DOP1B: variants seen among roughly 807,000 people sequenced by gnomAD.
DOP1B encodes the protein DOP1 leucine zipper like protein B.
A neutral mutation model predicts 233.5 loss-of-function variants in DOP1B; 174 were observed. That is an observed-to-expected ratio of 0.75 (90% confidence interval 0.66 to 0.85). DOP1B has a LOEUF of 0.85. Ranked by LOEUF, DOP1B falls within the 40% of genes least tolerant of loss-of-function variation. DOP1B has a pLI of 0.00. For missense variants in DOP1B, 2,652 were observed against 2,846.6 expected, an observed-to-expected ratio of 0.93 and a Z score of 1.56; for synonymous variants, 1,190 against 1,185.6, an observed-to-expected ratio of 1.00 and a Z score of -0.08.
intron 2 of DOP1B, among the ~76,000 whole-genome samples, chr21:36,180,634 A>G (rs2066087003): frequency 6.6e-6 from 1 of 150,844 alleles, no homozygotes; most frequent in South Asian, 2.1e-4. Context: ...TAATCCCAGC[A>G]TACTGGGAGG....
intron 26 of DOP1B, among the ~76,000 whole-genome samples, chr21:36,266,364 T>TG (rs1181054306): frequency 2.0e-5 from 3 of 151,964 alleles, no homozygotes; most frequent in Non-Finnish European, 4.4e-5. Context: ...TTAGTAGAGG[T>TG]GGGGTTTCAC....
chr21:36,207,571 TC>T (rs1371970173), intron 4 of DOP1B, among the ~76,000 whole-genome samples: 1 of 150,262 alleles, frequency 6.7e-6, no homozygotes, highest in Non-Finnish European at 1.5e-5. Context: ...CGAGGCTCCT[TC>T]CCCTGTCTTT....
At position 36,193,676 on chromosome 21, in the gene DOP1B, G is replaced by A. The variant is rs2066258329; in HGVS notation, c.139-5394G>A. Among the ~76,000 whole-genome samples the A allele has an allele frequency of 2.0e-5, 3 of 152,118 alleles. No individual in the cohort carries two copies. The South Asian group carries it at 6.2e-4, about 32-fold the overall frequency. On this transcript the variant is annotated intron_variant, in intron 2 of 36. Transcript: ENST00000691173. The stretch of plus-strand genomic sequence containing the variant: ...GCCCTAAAAATGTGCTGTCCCTCTT[G>A]TGTCTGGTGCTGGCCTTCAGTGAGA...
rs2066024651 is a variant in DOP1B, at chr21:36,176,102, G to A, written c.138+11231G>A. Reference sequence around the variant, plus strand: ...TCGACTTTGGGGTGTGTGTGCGTGTGTGTGTGTGTGTGTGTGTGTGGTGAT... The same window carrying A: ...TCGACTTTGGGGTGTGTGTGCGTGTATGTGTGTGTGTGTGTGTGTGGTGAT... On this transcript the variant is annotated intron_variant, in intron 2 of 36. Coordinates refer to ENST00000691173, the MANE Select transcript of DOP1B (RefSeq NM_001320714.2). Among the ~76,000 whole-genome samples, 3 of 148,958 alleles carry A rather than the reference G, an allele frequency of 2.0e-5. No individual in the cohort carries two copies. The South Asian group carries it at 6.3e-4, about 31-fold the overall frequency.
intron 2 of DOP1B, among the ~76,000 whole-genome samples, chr21:36,190,325 C>CTAAA (rs2066217452): frequency 6.6e-6 from 1 of 151,642 alleles, no homozygotes; most frequent in African/African-American, 2.4e-5. Flanking sequence ...GACTCTGTCT[C>CTAAA]TAAATAAATA....
chr21:36,241,069 C>G (rs2066886788), intron 18 of DOP1B, among the ~76,000 whole-genome samples: 1 of 151,834 alleles, frequency 6.6e-6, no homozygotes, highest in African/African-American at 2.4e-5. Context: ...CTGAGGCAGG[C>G]AGATCGTGAG....
chr21:36,261,741 C>G, intron 24 of DOP1B: 1 of 778,544 alleles, frequency 1.3e-6, no homozygotes, highest in Non-Finnish European at 1.6e-6. Flanking sequence ...AACCCTATGT[C>G]TACTAAAACT....
chr21:36,235,780 C>T (rs2066817847), intron 15 of DOP1B, among the ~76,000 whole-genome samples: 1 of 144,430 alleles, frequency 6.9e-6, no homozygotes, highest in Admixed American at 7.4e-5. Flanking sequence ...CATCAACTCT[C>T]AAAAACCTTG....
intron 23 of DOP1B, among the ~76,000 whole-genome samples, chr21:36,260,381 C>T (rs999680006): frequency 1.4e-4 from 21 of 152,036 alleles, no homozygotes; most frequent in African/African-American, 4.1e-4. Context: ...TTGGGAAGTT[C>T]GGTTACAGTG....
intron 2 of DOP1B, among the ~76,000 whole-genome samples, chr21:36,186,487 A>T (rs1428095543): frequency 6.6e-6 from 1 of 152,132 alleles, no homozygotes; most frequent in Admixed American, 6.6e-5. Flanking sequence ...GGACATGTGT[A>T]CGCATATCCA....
intron 2 of DOP1B, among the ~76,000 whole-genome samples, chr21:36,177,976 A>G (rs1295421825): frequency 6.6e-6 from 1 of 151,862 alleles, no homozygotes; most frequent in East Asian, 1.9e-4. Flanking sequence ...CCTACACTAT[A>G]TAAATTCTCC....
chr21:36,238,072 C>T (rs1288004926), intron 16 of DOP1B, among the ~76,000 whole-genome samples: 1 of 152,212 alleles, frequency 6.6e-6, no homozygotes, highest in Non-Finnish European at 1.5e-5. Flanking sequence ...GAGGCTGAGG[C>T]AGGAGAACCA....
intron 2 of DOP1B, among the ~76,000 whole-genome samples, chr21:36,188,579 C>T (rs1006461260): frequency 2.0e-5 from 3 of 152,214 alleles, no homozygotes; most frequent in African/African-American, 7.2e-5. Flanking sequence ...CTCCCTGACT[C>T]ACTGTGCCAC....
At chr21:36,283,732 A>G (rs995240318) in intron 32 of DOP1B, among the ~76,000 whole-genome samples, 12 of 152,076 alleles carry the variant, frequency 7.9e-5, no homozygotes, top group African/African-American at 2.9e-4. Context: ...ATCTGGAGAG[A>G]AAAAGAACAA....
At chr21:36,195,499 A>G (rs1042264382) in intron 2 of DOP1B, among the ~76,000 whole-genome samples, 2 of 152,176 alleles carry the variant, frequency 1.3e-5, no homozygotes, top group African/African-American at 4.8e-5. Flanking sequence ...ACACCACTGC[A>G]TTCCAGTCTG....
intron 18 of DOP1B, among the ~76,000 whole-genome samples, chr21:36,243,433 C>G (rs2835326): frequency 0.57 from 85,552 of 149,986 alleles, 24,834 homozygotes; most frequent in African/African-American, 0.69. Context: ...AAAAAGACTT[C>G]AATATTTTAA....
At chr21:36,173,238 T>C (rs568770408) in intron 2 of DOP1B, among the ~76,000 whole-genome samples, 2 of 152,274 alleles carry the variant, frequency 1.3e-5, no homozygotes, top group South Asian at 4.1e-4. Flanking sequence ...CTAAATGTTA[T>C]AATGCATAAA....
At chr21:36,163,621 C>T (rs1392945277) in intron 1 of DOP1B, among the ~76,000 whole-genome samples, 4 of 152,332 alleles carry the variant, frequency 2.6e-5, no homozygotes, top group African/African-American at 7.2e-5. Flanking sequence ...TAGCATTGCT[C>T]TGTATTTGTC....
chr21:36,280,436 C>CA, intron 31 of DOP1B, 90 bp downstream of exon 31: 1 of 908,904 alleles, frequency 1.1e-6, no homozygotes, highest in Non-Finnish European at 1.7e-6. Context: ...GAACCCTACT[C>CA]ACACTTTCAT....
Sources: gnomAD v4.1 joint callset for allele counts (sites outside exome capture counted in the v4.1 genomes callset) on GRCh38, gnomAD v4.1.1 for gene constraint, MANE v1.5 for transcripts, NCBI Gene and HGNC (gene_info 2026-07-23, HGNC 2026-07-21) for gene names.